TMX2: variants seen among roughly 807,000 people sequenced by gnomAD.
TMX2 encodes thioredoxin-related transmembrane protein 2.
A neutral mutation model predicts 33.4 loss-of-function variants in TMX2; 20 were observed. The ratio of observed to expected loss-of-function variants is 0.60; its 90% confidence interval spans 0.42 to 0.87. The LOEUF (loss-of-function observed/expected upper bound fraction) is 0.87. TMX2 is among the 40% of genes least tolerant of loss of function. TMX2 has a pLI of 0.00. For synonymous variants in TMX2, 166 were observed against 140.7 expected (o/e 1.18, Z -1.27); for missense variants, 340 against 370.7 (o/e 0.92, Z 0.68).
At chr11:57,715,941 T>C (rs949166408) in intron 1 of TMX2, among the ~76,000 whole-genome samples, 1 of 152,168 alleles carries the variant, frequency 6.6e-6, no homozygotes, top group Non-Finnish European at 1.5e-5. Flanking sequence ...GAAGAATTTA[T>C]CTTAGTACAG....
intron 1 of TMX2, among the ~76,000 whole-genome samples, chr11:57,734,115 C>T (rs1434024286): frequency 5.7e-5 from 8 of 141,078 alleles, no homozygotes; most frequent in East Asian, 2.1e-4. Flanking sequence ...GAGGAGACCG[C>T]GCCACTGTAC....
intron 1 of TMX2, among the ~76,000 whole-genome samples, chr11:57,716,717 C>T (rs1201263398): frequency 3.6e-4 from 53 of 145,658 alleles, no homozygotes; most frequent in African/African-American, 1.3e-3. Context: ...GGGGGGCTGA[C>T]TCCCCCACCT....
chr11:57,739,284 C>A, intron 7 of TMX2, 24 bp downstream of exon 7: 1 of 1,613,764 alleles, frequency 6.2e-7, no homozygotes, highest in South Asian at 1.1e-5. Flanking sequence ...AGGGCAGGTG[C>A]ATGAAGGGTG....
chr11:57,718,547 C>T (rs1947331761), intron 1 of TMX2: 1 of 662,812 alleles, frequency 1.5e-6, no homozygotes, highest in South Asian at 1.7e-5. Context: ...TAGTACAGGG[C>T]TCCTGGTGGT....
Position 57,740,412 on chromosome 11 carries a change from C to G in TMX2, c.*167C>G. Reference sequence around the variant, plus strand: ...GGCATCTAGGGAATTGTCAGGCACCCTACAGGAAGGCCTGCCATGCTGTGG... The same window carrying G: ...GGCATCTAGGGAATTGTCAGGCACCGTACAGGAAGGCCTGCCATGCTGTGG... On this transcript the variant is annotated 3_prime_UTR_variant, in exon 8 of 8. Coordinates refer to ENST00000278422, the MANE Select transcript of TMX2 (RefSeq NM_015959.4). 1.3e-6 allele frequency: 1 copy of G among 791,074 alleles called. No individual in the cohort carries two copies. The highest frequency in any genetic ancestry group is 3.0e-5 in the East Asian group (1 of 32,800). 49.0% of individuals were successfully genotyped at this position (791,074 alleles called of 1,614,324 possible). A position where few individuals can be genotyped will look rare whatever the true frequency, so the allele number is the denominator to read the frequency against.
At chr11:57,734,972 A>G (rs984195319) in intron 1 of TMX2, among the ~76,000 whole-genome samples, 1 of 150,382 alleles carries the variant, frequency 6.6e-6, no homozygotes, top group African/African-American at 2.4e-5. Context: ...CATCTCTACT[A>G]AAAATACAAA....
intron 1 of TMX2, among the ~76,000 whole-genome samples, chr11:57,716,190 G>C (rs1158387376): frequency 6.6e-6 from 1 of 151,622 alleles, no homozygotes; most frequent in South Asian, 2.1e-4. Flanking sequence ...CTCCCGGACC[G>C]GGCGGCTGGC....
intron 1 of TMX2, among the ~76,000 whole-genome samples, chr11:57,718,947 G>T (rs1163772298): frequency 6.6e-6 from 1 of 150,620 alleles, no homozygotes; most frequent in Non-Finnish European, 1.5e-5. Context: ...GAGCCACCGC[G>T]CCCAGCCACA....
At position 57,713,453 on chromosome 11, in the gene TMX2, T is replaced by A. The variant is rs546624088; in HGVS notation, c.189+646T>A. On this transcript the variant is annotated intron_variant, in intron 1 of 7. Coordinates refer to ENST00000278422, the MANE Select transcript of TMX2 (RefSeq NM_015959.4). ...AAAAAATACGTTGTAAAGAAATCTT[T>A]GGGATTTCTTTGGGAAGTGTCCCAA... Among the ~76,000 whole-genome samples the A allele has an allele frequency of 2.9e-4, 44 of 152,296 alleles. 1 individual carries two copies. In the South Asian group the frequency reaches 8.9e-3, roughly 31 times the overall value.
intron 1 of TMX2, among the ~76,000 whole-genome samples, chr11:57,736,747 G>T (rs1948776213): frequency 6.6e-6 from 1 of 152,118 alleles, no homozygotes; most frequent in African/African-American, 2.4e-5. Context: ...AATTAGCCAG[G>T]TACAGTAGTG....
intron 1 of TMX2, among the ~76,000 whole-genome samples, chr11:57,735,438 T>C (rs1309076672): frequency 6.6e-6 from 1 of 152,110 alleles, no homozygotes; most frequent in African/African-American, 2.4e-5. Context: ...CTTGAACTTC[T>C]AATCTCAGGT....
At chr11:57,738,324 T>A (rs1244484075) in intron 3 of TMX2, 30 bp from the exon 4 acceptor site, 1 of 1,533,790 alleles carries the variant, frequency 6.5e-7, no homozygotes, top group Non-Finnish European at 9.0e-7. Flanking sequence ...GCTTTTTATG[T>A]TTCCTTCGAC....
rs758668337 is a variant in TMX2 at position 57,712,772 on chromosome 11, C to G, written c.154C>G (p.Gln52Glu). Reference protein sequence around the residue: ...LPPLCHGLPTQREDGNPCDFD... With the variant: ...LPPLCHGLPTEREDGNPCDFD... Reference sequence around the variant, plus strand: ...GCCGCTCTGCCACGGTCTGCCCACCCAACGCGAAGACGGTAACCCGTGTGA... The same window carrying G: ...GCCGCTCTGCCACGGTCTGCCCACCGAACGCGAAGACGGTAACCCGTGTGA... The change falls in exon 1 of 8, where the codon CAA becomes GAA. Residue 52 changes from glutamine (Q) to glutamate (E), a missense_variant. Transcript: ENST00000278422. The G allele has an allele frequency of 1.4e-5, 22 of 1,614,046 alleles. No individual in the cohort carries two copies. The highest frequency in any genetic ancestry group is 1.8e-5 in the Non-Finnish European group (21 of 1,180,046).
At chr11:57,726,922 A>G (rs1438044100) in intron 1 of TMX2, among the ~76,000 whole-genome samples, 1 of 152,202 alleles carries the variant, frequency 6.6e-6, no homozygotes, top group Non-Finnish European at 1.5e-5. Flanking sequence ...GTACAAACAC[A>G]CTGTAAGTCT....
chr11:57,728,953 C>T (rs1948176027), intron 1 of TMX2, among the ~76,000 whole-genome samples: 1 of 151,962 alleles, frequency 6.6e-6, no homozygotes, highest in Non-Finnish European at 1.5e-5. Flanking sequence ...GATCACCCAG[C>T]GTTTTGAGCC....
Position 57,712,629 on chromosome 11 carries a change from T to C in TMX2, c.11T>C (p.Leu4Ser). ...GTTACGGCCGAAAAGATGGCGGTCTTGGCACCTCTAATTGCTCTCGTGTAT... is the reference window on the plus strand; with the variant it reads ...GTTACGGCCGAAAAGATGGCGGTCTCGGCACCTCTAATTGCTCTCGTGTAT... MAV[L>S]APLIALVYSV... The change falls in exon 1 of 8, where the codon TTG becomes TCG. Residue 4 changes from leucine (L) to serine (S), a missense_variant. Physicochemically the swap from Leu to Ser is moderately radical, Grantham distance 145. This residue lies in a region of TMX2 where 106 missense variants were observed against 82.7 expected (regional missense o/e 1.28). Transcript: ENST00000278422. The C allele has an allele frequency of 6.2e-7, 1 of 1,613,366 alleles. No individual in the cohort carries two copies. Among genetic ancestry groups the C allele is most frequent in the Non-Finnish European group, 8.5e-7 (1 of 1,179,598 alleles).
At chr11:57,729,877 G>A (rs1266615951) in intron 1 of TMX2, among the ~76,000 whole-genome samples, 1 of 152,126 alleles carries the variant, frequency 6.6e-6, no homozygotes, top group Admixed American at 6.5e-5. Context: ...GGGAGGCCGA[G>A]ACAGGTTGGA....
intron 1 of TMX2, among the ~76,000 whole-genome samples, chr11:57,713,623 C>T (rs492131): frequency 0.27 from 41,709 of 151,970 alleles, 6,822 homozygotes; most frequent in East Asian, 0.79. Flanking sequence ...AATCAACCGA[C>T]AAAGGGCACA....
intron 1 of TMX2, among the ~76,000 whole-genome samples, chr11:57,721,928 C>T (rs567918589): frequency 1.3e-5 from 2 of 152,088 alleles, no homozygotes; most frequent in African/African-American, 2.4e-5. Flanking sequence ...CAGGACTAAC[C>T]AGGCAATAAG....
Sources: allele counts gnomAD v4.1 joint callset (sites outside exome capture counted in the v4.1 genomes callset), GRCh38; gene constraint gnomAD v4.1.1; regional missense constraint gnomAD v4.1.1; transcripts MANE v1.5; gene names NCBI Gene and HGNC (gene_info 2026-07-23, HGNC 2026-07-21).